The following CATSPERE variants were observed in gnomAD, a reference collection of about 807,000 sequenced individuals.
CATSPERE encodes the protein cation channel sperm-associated auxiliary subunit epsilon.
CATSPERE carries 93 observed loss-of-function variants against 114.1 expected under a neutral mutation model. The observed-to-expected ratio is 0.81, with a 90% CI of 0.69 to 0.97. CATSPERE has a LOEUF of 0.97. CATSPERE is among the 50% of genes least tolerant of loss of function. The pLI, the probability that CATSPERE is intolerant of heterozygous loss-of-function variation, is 0.00. For synonymous variants in CATSPERE, 341 were observed against 384.1 expected, an observed-to-expected ratio of 0.89 and a Z score of 1.31; for missense variants, 1,058 against 1,131.6, an observed-to-expected ratio of 0.93 and a Z score of 0.93.
chr1:244,485,444 G>A (rs1670842929), intron 5 of CATSPERE, among the ~76,000 whole-genome samples: 1 of 152,042 alleles, frequency 6.6e-6, no homozygotes, highest in Non-Finnish European at 1.5e-5. Flanking sequence ...GCCTCACAAA[G>A]TGCTGGGATT....
intron 8 of CATSPERE, among the ~76,000 whole-genome samples, chr1:244,550,469 G>A (rs1352723908): frequency 6.6e-6 from 1 of 152,142 alleles, no homozygotes; most frequent in Non-Finnish European, 1.5e-5. Context: ...AGTTTGCCCT[G>A]TCCCGTCCTG....
chr1:244,556,217 A>T (rs1661548554), intron 9 of CATSPERE, among the ~76,000 whole-genome samples: 1 of 152,038 alleles, frequency 6.6e-6, no homozygotes, highest in African/African-American at 2.4e-5. Flanking sequence ...TATATATATA[A>T]ATTTAAGTGG....
At position 244,640,044 on chromosome 1, in the gene CATSPERE, C is replaced by A; in HGVS notation, c.2819C>A (p.Pro940Gln). Residue 940 changes from proline (P) to glutamine (Q), a missense_variant, in exon 22 of 22, where the codon CCA (proline) becomes CAA (glutamine). Pro to Gln is a moderately conservative substitution (Grantham distance 76). Around this residue, in one of 2 missense-constraint regions of CATSPERE, gnomAD observed 787 missense variants for 905.6 expected, o/e 0.87. Coordinates refer to ENST00000366534, the MANE Select transcript of CATSPERE (RefSeq NM_001130957.2). ...MRIYRRYIYE[P>Q]LHKPQRKRKK... Reference sequence around the variant, plus strand: ...ATTTATAGACGATATATTTATGAACCACTTCACAAACCTCAAAGAAAACGT... The same window carrying A: ...ATTTATAGACGATATATTTATGAACAACTTCACAAACCTCAAAGAAAACGT... 2 of 1,550,228 alleles carry A rather than the reference C, an allele frequency of 1.3e-6. No homozygotes were observed. The highest frequency in any genetic ancestry group is 1.2e-5 in the South Asian group (1 of 83,816).
chr1:244,639,546 T>C (rs528804690), intron 21 of CATSPERE, among the ~76,000 whole-genome samples: 1 of 152,180 alleles, frequency 6.6e-6, no homozygotes, highest in South Asian at 2.1e-4. Context: ...AAAAATTAGC[T>C]GGGTGTGGTG....
rs1573095679 is a variant in CATSPERE at position 244,629,184 on chromosome 1, C to T, written c.2649-6305C>T. Among the ~76,000 whole-genome samples the T allele has an allele frequency of 2.0e-5, 3 of 152,328 alleles. No homozygotes were observed. The East Asian group carries it at 5.8e-4, about 29-fold the overall frequency. ...CAGAACTTCCGCAGTCACACAGCTT[C>T]CTCCTCTGCCACAGACATATCAAGC... On this transcript the variant is annotated intron_variant, in intron 20 of 21. Coordinates refer to ENST00000366534, the MANE Select transcript of CATSPERE (RefSeq NM_001130957.2).
chr1:244,503,664 C>T (rs556493592), intron 7 of CATSPERE, among the ~76,000 whole-genome samples: 1 of 152,198 alleles, frequency 6.6e-6, no homozygotes, highest in African/African-American at 2.4e-5. Context: ...ACAATCATGG[C>T]TCACTGCAGC....
chr1:244,481,997 C>T (rs1441174608), intron 5 of CATSPERE, among the ~76,000 whole-genome samples: 1 of 152,136 alleles, frequency 6.6e-6, no homozygotes, highest in Non-Finnish European at 1.5e-5. Context: ...AAGAAGTGGG[C>T]CTCCAGGCTA....
chr1:244,606,654 T>G (rs188220474), intron 18 of CATSPERE, among the ~76,000 whole-genome samples: 172 of 145,316 alleles, frequency 1.2e-3, no homozygotes, highest in Non-Finnish European at 1.0e-4. Context: ...CAGGCTGGAG[T>G]GCAGTGGTGC....
At chr1:244,495,271 C>G (rs374286806) in intron 6 of CATSPERE, among the ~76,000 whole-genome samples, 5 of 152,154 alleles carry the variant, frequency 3.3e-5, no homozygotes, top group Admixed American at 6.5e-5. Flanking sequence ...ACTAAACATA[C>G]AAATGAATAT....
chr1:244,570,928 G>C (rs1375016844), intron 10 of CATSPERE, among the ~76,000 whole-genome samples: 1 of 152,202 alleles, frequency 6.6e-6, no homozygotes, highest in African/African-American at 2.4e-5. Flanking sequence ...AATTAGGTCA[G>C]TCTGACTAGA....
rs1662465842 is a variant in CATSPERE, at chr1:244,560,964, T to C, written c.1326T>C (p.Ile442=). The part of the protein sequence containing the change: ...VSQDFTLDAP[I]DSVTMPHFTF... ...AAGACTTTACATTAGATGCCCCTAT[T>C]GACAGTGTTACCATGCCACATTTTA... Residue 442 remains isoleucine, a synonymous_variant, in exon 10 of 22, where the codon ATT becomes ATC. Coordinates refer to ENST00000366534, the MANE Select transcript of CATSPERE (RefSeq NM_001130957.2). The C allele has an allele frequency of 6.2e-7, 1 of 1,614,040 alleles. No homozygotes were observed. Among genetic ancestry groups the C allele is most frequent in the South Asian group, 1.1e-5 (1 of 91,088 alleles).
rs2148620685 is a variant in CATSPERE, at chr1:244,584,029, ACCTCCATG to A, written c.2085+92_2085+99del. ...AATGCATACAATACCTCCGTACAAT[ACCTCCATG>A]CAATACCTCCATACAATACCTCCAT... On this transcript the variant is annotated intron_variant, in intron 13 of 21. Coordinates refer to ENST00000366534, the MANE Select transcript of CATSPERE (RefSeq NM_001130957.2). The A allele has an allele frequency of 3.2e-6, 3 of 936,578 alleles. No homozygotes were observed. In the East Asian group the frequency reaches 7.7e-5, roughly 24 times the overall value. The allele number at this position is 936,578 out of a possible 1,614,324, so 58.0% of individuals were successfully genotyped here.
chr1:244,524,633 A>G lies in CATSPERE; in HGVS notation c.536+5935A>G, dbSNP rs1345014548. ...CCAGAATCTACAATGAACTCAAACA[A>G]ATTTACAAGAAAAAAACAAACAACC... On this transcript the variant is annotated intron_variant, in intron 8 of 21. Coordinates refer to ENST00000366534, the MANE Select transcript of CATSPERE (RefSeq NM_001130957.2). Among the ~76,000 whole-genome samples the G allele has an allele frequency of 1.9e-3, 292 of 151,822 alleles. 4 individuals are homozygous for G. The highest frequency in any genetic ancestry group is 6.8e-3 in the African/African-American group (278 of 41,164).
chr1:244,635,617 C>A, intron 21 of CATSPERE, 75 bp downstream of exon 21: 1 of 1,151,134 alleles, frequency 8.7e-7, no homozygotes, highest in Non-Finnish European at 1.3e-6. Flanking sequence ...AGGAAAAGCA[C>A]CTCTCCCCCG....
intron 20 of CATSPERE, among the ~76,000 whole-genome samples, chr1:244,625,299 T>G (rs6680491): frequency 6.8e-6 from 1 of 147,168 alleles, no homozygotes; most frequent in Non-Finnish European, 1.5e-5. Flanking sequence ...CACCTCCATC[T>G]GAGCTCTTGG....
chr1:244,569,395 C>T (rs1173009619), intron 10 of CATSPERE, among the ~76,000 whole-genome samples: 1 of 152,190 alleles, frequency 6.6e-6, no homozygotes, highest in African/African-American at 2.4e-5. Context: ...CCCACAACTC[C>T]CCCTTTTCTG....
At chr1:244,495,897 A>G (rs1673007769) in intron 6 of CATSPERE, among the ~76,000 whole-genome samples, 1 of 152,224 alleles carries the variant, frequency 6.6e-6, no homozygotes, top group Admixed American at 6.5e-5. Flanking sequence ...TTAACAGCCC[A>G]AGAGATTCGG....
chr1:244,538,147 A>G (rs1346234074), intron 8 of CATSPERE, among the ~76,000 whole-genome samples: 3 of 151,958 alleles, frequency 2.0e-5, no homozygotes, highest in African/African-American at 7.3e-5. Flanking sequence ...ACATAATGAG[A>G]CCCCCATCTC....
chr1:244,531,838 C>T lies in CATSPERE; in HGVS notation c.536+13140C>T, dbSNP rs142620294. On this transcript the variant is annotated intron_variant, in intron 8 of 21. Transcript: ENST00000366534. The stretch of plus-strand genomic sequence containing the variant: ...GGATTTGGTATCAAGGTAATACTGG[C>T]CTCATAGAATGAGTTTCAAAGTATT... Among the ~76,000 whole-genome samples, 799 of 152,224 alleles carry T rather than the reference C, an allele frequency of 5.2e-3. 8 individuals are homozygous for T. The highest frequency in any genetic ancestry group is 0.014 in the Middle Eastern group (4 of 294).
Sources: gnomAD v4.1 joint callset for allele counts (sites outside exome capture counted in the v4.1 genomes callset) on GRCh38, gnomAD v4.1.1 for gene constraint, gnomAD v4.1.1 regional missense constraint, MANE v1.5 for transcripts, NCBI Gene and HGNC (gene_info 2026-07-23, HGNC 2026-07-21) for gene names.